Variants in NEIL2 observed in about 807,000 individuals in gnomAD.
NEIL2 encodes nei like DNA glycosylase 2.
In NEIL2, 23 loss-of-function variants were observed where a neutral mutation model predicts 22.2. The observed-to-expected ratio is 1.04, with a 90% CI of 0.75 to 1.47. NEIL2 has a LOEUF of 1.47. NEIL2 is among the 40% of genes most tolerant of loss of function. NEIL2 has a pLI of 0.00. For synonymous variants in NEIL2, 229 were observed against 164.8 expected (o/e 1.39, Z -2.99); for missense variants, 583 against 404.7 (o/e 1.44, Z -3.78).
intron 4 of NEIL2, 73 bp from the exon 5 acceptor site, chr8:11,785,890 G>GT (rs1804883684): frequency 7.1e-7 from 1 of 1,403,598 alleles, no homozygotes; most frequent in Non-Finnish European, 1.0e-6. Context: ...TTTCTGCCTT[G>GT]TTAACTTTGT....
chr8:11,777,994 T>C (rs1369827935), intron 2 of NEIL2, among the ~76,000 whole-genome samples: 1 of 152,210 alleles, frequency 6.6e-6, no homozygotes, highest in African/African-American at 2.4e-5. Context: ...TGCAGAGCCT[T>C]ATTCATCTGT....
chr8:11,776,188 A>G (rs1055790183), intron 2 of NEIL2, among the ~76,000 whole-genome samples: 18 of 152,214 alleles, frequency 1.2e-4, no homozygotes, highest in African/African-American at 3.9e-4. Context: ...GGAGAAGCAA[A>G]GGCATGTCTT....
chr8:11,777,465 C>CT (rs1433300986), intron 2 of NEIL2, among the ~76,000 whole-genome samples: 2 of 151,806 alleles, frequency 1.3e-5, no homozygotes, highest in African/African-American at 2.4e-5. Context: ...TTCACGTTGT[C>CT]TAACAGTTTC....
intron 2 of NEIL2, 113 bp from the exon 3 acceptor site, chr8:11,779,484 GA>G: frequency 1.1e-6 from 1 of 882,866 alleles, no homozygotes; most frequent in Non-Finnish European, 1.9e-6. Flanking sequence ...CTTCATTTGG[GA>G]AGGCCCCCCA....
At chr8:11,778,506 A>T (rs1804103513) in intron 2 of NEIL2, among the ~76,000 whole-genome samples, 3 of 152,218 alleles carry the variant, frequency 2.0e-5, no homozygotes, top group African/African-American at 7.2e-5. Flanking sequence ...TGTAGTGGTC[A>T]AGAAAGTAAC....
At chr8:11,784,333 T>G (rs1804708235) in intron 4 of NEIL2, among the ~76,000 whole-genome samples, 1 of 152,232 alleles carries the variant, frequency 6.6e-6, no homozygotes, top group African/African-American at 2.4e-5. Context: ...GGCCAGTGTT[T>G]TCCAAGCAGC....
intron 2 of NEIL2, among the ~76,000 whole-genome samples, chr8:11,777,232 A>G (rs1342927063): frequency 1.3e-5 from 2 of 151,424 alleles, no homozygotes; most frequent in East Asian, 1.9e-4. Flanking sequence ...GGCTCAAGCA[A>G]TCCTCTCGTC....
At chr8:11,775,245 A>T (rs1270914334) in intron 2 of NEIL2, among the ~76,000 whole-genome samples, 2 of 152,242 alleles carry the variant, frequency 1.3e-5, no homozygotes, top group Non-Finnish European at 2.9e-5. Context: ...CCAAACCTCC[A>T]TTCTTAACTT....
chr8:11,774,500 A>G (rs986478603), intron 2 of NEIL2, among the ~76,000 whole-genome samples: 4 of 152,202 alleles, frequency 2.6e-5, no homozygotes, highest in African/African-American at 7.2e-5. Context: ...ACACATGGGA[A>G]TCATGGGAGT....
intron 2 of NEIL2, among the ~76,000 whole-genome samples, chr8:11,774,204 A>G (rs1803714520): frequency 6.6e-6 from 1 of 152,068 alleles, no homozygotes; most frequent in African/African-American, 2.4e-5. Flanking sequence ...GTTAAACCCC[A>G]TCTCTACTAA....
intron 3 of NEIL2, chr8:11,782,927 G>A (rs1293076530): frequency 5.9e-6 from 3 of 505,692 alleles, no homozygotes; most frequent in Non-Finnish European, 3.7e-6. Flanking sequence ...GTGTGTATGT[G>A]TGTATGATCC....
intron 4 of NEIL2, among the ~76,000 whole-genome samples, chr8:11,784,196 G>C (rs1472132296): frequency 6.6e-6 from 1 of 152,208 alleles, no homozygotes; most frequent in Admixed American, 6.5e-5. Context: ...TGGTACAGCA[G>C]GCACTTGCCT....
At position 11,780,356 on chromosome 8, in the gene NEIL2, G is replaced by A. The variant is rs551753867; in HGVS notation, c.491+406G>A. Among the ~76,000 whole-genome samples, 10 of 152,272 alleles carry A rather than the reference G, an allele frequency of 6.6e-5. 1 individual carries two copies. Among genetic ancestry groups the A allele is most frequent in the African/African-American group, 2.4e-4 (10 of 41,548 alleles). On this transcript the variant is annotated intron_variant, in intron 3 of 4. Coordinates refer to ENST00000284503, the MANE Select transcript of NEIL2 (RefSeq NM_145043.4). ...TATAATTAACATTCAGTAGAATGCA[G>A]ATCTTAAGTATTCAGCTTGATGAGT...
chr8:11,784,955 A>G (rs757464927), intron 4 of NEIL2, among the ~76,000 whole-genome samples: 8 of 152,098 alleles, frequency 5.3e-5, no homozygotes, highest in Non-Finnish European at 1.5e-5. Context: ...TGCAGCCTCA[A>G]CCTCTGTGGC....
At chr8:11,778,905 T>C (rs1284244726) in intron 2 of NEIL2, among the ~76,000 whole-genome samples, 2 of 116,382 alleles carry the variant, frequency 1.7e-5, no homozygotes, top group Middle Eastern at 7.2e-3. Flanking sequence ...TGAGCCAAGA[T>C]GGTGCCACTA....
At chr8:11,774,485 C>T (rs559785815) in intron 2 of NEIL2, among the ~76,000 whole-genome samples, 1 of 152,306 alleles carries the variant, frequency 6.6e-6, no homozygotes, top group South Asian at 2.1e-4. Flanking sequence ...CAGGTCCGTC[C>T]CATAACACAT....
chr8:11,779,555 T>C lies in NEIL2; in HGVS notation c.139-43T>C, dbSNP rs760831558. ...AAATATCCGCATTCCCCAGTTCCCC[T>C]CTCTGGGTCTGTAAGGCTTGGATCT... is the stretch of plus-strand genomic sequence containing the variant. On this transcript the variant is annotated intron_variant, in intron 2 of 4. Coordinates refer to ENST00000284503, the MANE Select transcript of NEIL2 (RefSeq NM_145043.4). The C allele has an allele frequency of 1.3e-5, 19 of 1,444,764 alleles. No homozygotes were observed. The East Asian group carries it at 3.9e-4, about 29-fold the overall frequency. 89.5% of individuals were successfully genotyped at this position (1,444,764 alleles called of 1,614,324 possible).
chr8:11,770,900 T>TA, intron 1 of NEIL2, among the ~76,000 whole-genome samples: 1 of 152,280 alleles, frequency 6.6e-6, no homozygotes, highest in Non-Finnish European at 1.5e-5. Flanking sequence ...GGGTCTCACT[T>TA]ATGATTCTGA....
At chr8:11,781,167 C>T (rs1804388894) in intron 3 of NEIL2, among the ~76,000 whole-genome samples, 1 of 129,654 alleles carries the variant, frequency 7.7e-6, no homozygotes, top group Admixed American at 7.9e-5. Context: ...GAAGTGTAGT[C>T]TTTATTTGTG....
Sources: gnomAD v4.1 joint callset for allele counts (sites outside exome capture counted in the v4.1 genomes callset) on GRCh38, gnomAD v4.1.1 for gene constraint, MANE v1.5 for transcripts, NCBI Gene and HGNC (gene_info 2026-07-23, HGNC 2026-07-21) for gene names.